JPH1: variants seen among roughly 807,000 people sequenced by gnomAD.
JPH1 encodes junctophilin 1, also known as junctophilin-1.
Under a neutral mutation model 53.6 loss-of-function variants are expected in JPH1, and 12 were observed. The observed-to-expected ratio is 0.22, with a 90% CI of 0.14 to 0.36. The LOEUF (loss-of-function observed/expected upper bound fraction) is 0.36, where lower values mean the gene tolerates loss of function less well. JPH1 is among the 10% of genes least tolerant of loss of function. The probability of loss-of-function intolerance (pLI) is 1.00; values close to 1 mark genes in which losing one functional copy is unlikely to be tolerated. For synonymous variants in JPH1, 375 were observed against 363.8 expected (o/e 1.03, Z -0.35); for missense variants, 808 against 905.5 (o/e 0.89, Z 1.38).
chr8:74,304,691 A>G (rs537791406), intron 2 of JPH1, among the ~76,000 whole-genome samples: 3 of 152,372 alleles, frequency 2.0e-5, no homozygotes, highest in Admixed American at 2.0e-4. Context: ...CTGAGATCAA[A>G]ATTCTATTGA....
intron 2 of JPH1, among the ~76,000 whole-genome samples, chr8:74,265,216 C>T (rs1806497821): frequency 6.6e-6 from 1 of 152,156 alleles, no homozygotes; most frequent in Non-Finnish European, 1.5e-5. Flanking sequence ...TGTTCATGCT[C>T]AGGGGACATA....
intron 2 of JPH1, among the ~76,000 whole-genome samples, chr8:74,296,349 G>A (rs538267561): frequency 4.6e-5 from 7 of 152,002 alleles, no homozygotes; most frequent in Admixed American, 1.3e-4. Context: ...ATTTTATTCT[G>A]GGTACAAACC....
At chr8:74,260,289 C>T (rs769590038) in intron 2 of JPH1, among the ~76,000 whole-genome samples, 1 of 152,142 alleles carries the variant, frequency 6.6e-6, no homozygotes, top group Non-Finnish European at 1.5e-5. Flanking sequence ...TCATGGAAAC[C>T]TCTCATCTTT....
chr8:74,238,138 A>G (rs918506688), intron 4 of JPH1, among the ~76,000 whole-genome samples: 5 of 152,216 alleles, frequency 3.3e-5, no homozygotes, highest in Non-Finnish European at 7.3e-5. Context: ...ATTCTTATAT[A>G]GCATTAAAAG....
chr8:74,275,178 A>G (rs892231042), intron 2 of JPH1, among the ~76,000 whole-genome samples: 2 of 152,242 alleles, frequency 1.3e-5, no homozygotes, highest in African/African-American at 2.4e-5. Flanking sequence ...ACTTGAATTA[A>G]TTCAAAGCCA....
chr8:74,239,975 GTTATT>G (rs957009901), intron 4 of JPH1, among the ~76,000 whole-genome samples: 16 of 152,008 alleles, frequency 1.1e-4, no homozygotes, highest in African/African-American at 3.9e-4. Flanking sequence ...TACTCTTTTA[GTTATT>G]TTATTTTTTG....
intron 1 of JPH1, among the ~76,000 whole-genome samples, chr8:74,317,306 G>C (rs903018930): frequency 7.9e-5 from 12 of 152,186 alleles, no homozygotes; most frequent in African/African-American, 2.7e-4. Context: ...AGTGGGTCTG[G>C]TACTGTAAAT....
At chr8:74,299,088 T>C (rs1807601589) in intron 2 of JPH1, among the ~76,000 whole-genome samples, 1 of 152,214 alleles carries the variant, frequency 6.6e-6, no homozygotes, top group East Asian at 1.9e-4. Flanking sequence ...CTGTACATCA[T>C]TAGATGGGGT....
chr8:74,260,103 C>A (rs2131394521), intron 2 of JPH1, among the ~76,000 whole-genome samples: 1 of 152,306 alleles, frequency 6.6e-6, no homozygotes, highest in African/African-American at 2.4e-5. Flanking sequence ...TGCTCACCAG[C>A]AGGAGCAAAC....
chr8:74,318,865 A>T (rs745482533), intron 1 of JPH1, among the ~76,000 whole-genome samples: 1 of 152,074 alleles, frequency 6.6e-6, no homozygotes, highest in African/African-American at 2.4e-5. Flanking sequence ...CTTGCTTTAG[A>T]CTCCCTTTTT....
At chr8:74,270,430 A>C (rs971709765) in intron 2 of JPH1, among the ~76,000 whole-genome samples, 1 of 152,190 alleles carries the variant, frequency 6.6e-6, no homozygotes, top group Non-Finnish European at 1.5e-5. Flanking sequence ...ACCAAAAACA[A>C]ATTTTTCATC....
intron 2 of JPH1, among the ~76,000 whole-genome samples, chr8:74,276,425 A>G (rs1054284168): frequency 2.6e-5 from 4 of 152,180 alleles, no homozygotes; most frequent in African/African-American, 9.7e-5. Context: ...ACAGGACAAT[A>G]TATAAAGGAG....
intron 3 of JPH1, among the ~76,000 whole-genome samples, chr8:74,256,675 T>C (rs57670328): frequency 5.2e-4 from 79 of 152,236 alleles, no homozygotes; most frequent in African/African-American, 1.9e-3. Flanking sequence ...ATCATCACTG[T>C]TCATTAGAGA....
intron 2 of JPH1, among the ~76,000 whole-genome samples, chr8:74,292,944 A>G (rs888612220): frequency 2.0e-5 from 3 of 152,226 alleles, no homozygotes; most frequent in African/African-American, 7.2e-5. Flanking sequence ...CTGAGTTTTA[A>G]AAAGGAAGCC....
intron 2 of JPH1, among the ~76,000 whole-genome samples, chr8:74,289,590 C>CA (rs2131430238): frequency 6.6e-6 from 1 of 152,330 alleles, no homozygotes; most frequent in South Asian, 2.1e-4. Flanking sequence ...TTCTACCTGC[C>CA]TAAATCCTTG....
chr8:74,284,022 C>T (rs947085829), intron 2 of JPH1, among the ~76,000 whole-genome samples: 4 of 152,148 alleles, frequency 2.6e-5, no homozygotes, highest in Admixed American at 6.5e-5. Context: ...GCAGTGATTG[C>T]AAATTTCCTT....
intron 3 of JPH1, 35 bp from the exon 4 acceptor site, chr8:74,245,210 A>C (rs1805823658): frequency 6.5e-7 from 1 of 1,530,212 alleles, no homozygotes; most frequent in South Asian, 1.3e-5. Flanking sequence ...AAAAAAAGAA[A>C]GGAGGTATAT....
chr8:74,314,029 T>A (rs983223143), intron 2 of JPH1, among the ~76,000 whole-genome samples: 3 of 152,168 alleles, frequency 2.0e-5, no homozygotes, highest in African/African-American at 7.2e-5. Context: ...TGCCCACACA[T>A]ACACCCCACT....
At chr8:74,286,490 C>T (rs868375050) in intron 2 of JPH1, among the ~76,000 whole-genome samples, 1 of 152,220 alleles carries the variant, frequency 6.6e-6, no homozygotes. Flanking sequence ...CCAGAGGCAC[C>T]CTACTGTACA....
Sources: gnomAD v4.1 joint callset for allele counts (sites outside exome capture counted in the v4.1 genomes callset) on GRCh38, gnomAD v4.1.1 for gene constraint, MANE v1.5 for transcripts, NCBI Gene and HGNC (gene_info 2026-07-23, HGNC 2026-07-21) for gene names.